The following PEPD variants were observed in gnomAD, a reference collection of about 807,000 sequenced individuals.
The protein encoded by PEPD is xaa-Pro dipeptidase.
PEPD carries 53 observed loss-of-function variants against 60.7 expected under a neutral mutation model. That is an observed-to-expected ratio of 0.87 (90% CI 0.70 to 1.10). The LOEUF is 1.10. PEPD is among the 50% of genes least tolerant of loss of function. The probability of loss-of-function intolerance (pLI) is 0.00; values close to 1 mark genes in which losing one functional copy is unlikely to be tolerated. For missense variants in PEPD, 711 were observed against 711.9 expected, an observed-to-expected ratio of 1.00 and a Z score of 0.01; for synonymous variants, 267 against 284.1, an observed-to-expected ratio of 0.94 and a Z score of 0.60.
At chr19:33,458,017 A>G (rs1361690320) in intron 9 of PEPD, among the ~76,000 whole-genome samples, 3 of 152,040 alleles carry the variant, frequency 2.0e-5, no homozygotes, top group Non-Finnish European at 2.9e-5. Flanking sequence ...GTGGTATGTC[A>G]ATGGGTGTGG....
chr19:33,421,996 T>C (rs1400181359), intron 9 of PEPD, among the ~76,000 whole-genome samples: 1 of 151,972 alleles, frequency 6.6e-6, no homozygotes, highest in Non-Finnish European at 1.5e-5. Flanking sequence ...CACAAACGGA[T>C]CCTTCCACAA....
intron 4 of PEPD, among the ~76,000 whole-genome samples, chr19:33,494,144 A>G (rs1302088343): frequency 6.6e-6 from 1 of 152,096 alleles, no homozygotes; most frequent in East Asian, 1.9e-4. Context: ...TTCCTCTGCC[A>G]GCCCCTCCTC....
intron 9 of PEPD, among the ~76,000 whole-genome samples, chr19:33,446,720 A>T (rs1293364180): frequency 1.3e-5 from 2 of 152,208 alleles, no homozygotes; most frequent in East Asian, 3.9e-4. Flanking sequence ...CTCACCACCC[A>T]GAGGGGAGGG....
intron 9 of PEPD, among the ~76,000 whole-genome samples, chr19:33,458,109 G>A (rs1969843583): frequency 6.6e-6 from 1 of 152,042 alleles, no homozygotes; most frequent in Non-Finnish European, 1.5e-5. Flanking sequence ...GGTACATGTT[G>A]TGTGTGGTGT....
At chr19:33,387,521 C>CT in intron 14 of PEPD, 40 bp from the exon 15 acceptor site, 1 of 1,611,412 alleles carries the variant, frequency 6.2e-7, no homozygotes, top group Non-Finnish European at 8.5e-7. Flanking sequence ...ATAGAGCAGC[C>CT]TCATGTGCCA....
At chr19:33,442,405 T>A (rs1343588500) in intron 9 of PEPD, among the ~76,000 whole-genome samples, 4 of 129,786 alleles carry the variant, frequency 3.1e-5, no homozygotes, top group African/African-American at 1.0e-4. Flanking sequence ...AGACTCTGTC[T>A]CAAAAAAAAA....
chr19:33,410,638 G>A (rs144531195), intron 11 of PEPD, among the ~76,000 whole-genome samples: 1,924 of 152,146 alleles, frequency 0.013, 31 homozygotes, highest in Admixed American at 0.046. Flanking sequence ...GCCCAGCTGG[G>A]CGCCACGCAG....
chr19:33,417,732 C>T (rs1162092759), intron 9 of PEPD, among the ~76,000 whole-genome samples: 1 of 152,152 alleles, frequency 6.6e-6, no homozygotes, highest in African/African-American at 2.4e-5. Flanking sequence ...GAATGGGGAT[C>T]CCTCCTCAGG....
At chr19:33,411,650 C>T in intron 11 of PEPD, 22 bp downstream of exon 11, 1 of 1,435,172 alleles carries the variant, frequency 7.0e-7, no homozygotes, top group South Asian at 1.1e-5. Flanking sequence ...CACACAGAGC[C>T]AGGGCCGCTG....
rs558366108 is a variant in PEPD, at chr19:33,411,202, G to A, written c.818+470C>T. On this transcript the variant is annotated intron_variant, in intron 11 of 14. Transcript: ENST00000244137. ...AGCACTGCTGACTTGCTGAACGCAG[G>A]GCCGCAGAGGCCACGGGCTCCTGCA... is the stretch of plus-strand genomic sequence containing the variant. 1.0e-3 allele frequency among the ~76,000 whole-genome samples: 159 copies of A among 152,312 alleles called. 1 individual carries two copies. The highest frequency in any genetic ancestry group is 3.8e-3 in the African/African-American group (157 of 41,574).
intron 7 of PEPD, among the ~76,000 whole-genome samples, chr19:33,464,678 G>T (rs1028516068): frequency 6.6e-6 from 1 of 152,174 alleles, no homozygotes; most frequent in South Asian, 2.1e-4. Flanking sequence ...GGTGGTCTAC[G>T]TGGGCAGGGG....
intron 9 of PEPD, among the ~76,000 whole-genome samples, chr19:33,457,488 T>A (rs1023519762): frequency 1.3e-5 from 2 of 152,178 alleles, no homozygotes; most frequent in African/African-American, 4.8e-5. Context: ...TCCCACCTCC[T>A]GGCTGTCCTT....
chr19:33,478,592 A>G (rs1469331118), intron 6 of PEPD, among the ~76,000 whole-genome samples: 1 of 152,234 alleles, frequency 6.6e-6, no homozygotes, highest in Admixed American at 6.5e-5. Context: ...TTCATCACTT[A>G]CAAGGGATCC....
intron 9 of PEPD, among the ~76,000 whole-genome samples, chr19:33,428,215 G>A (rs1259172591): frequency 6.6e-6 from 1 of 152,210 alleles, no homozygotes; most frequent in East Asian, 1.9e-4. Flanking sequence ...AGGAGGGCTT[G>A]GAGGATGCAG....
At chr19:33,473,783 T>C (rs905492662) in intron 7 of PEPD, among the ~76,000 whole-genome samples, 3 of 152,210 alleles carry the variant, frequency 2.0e-5, no homozygotes, top group Admixed American at 1.3e-4. Flanking sequence ...CTTTTGACCT[T>C]CACATTCAAA....
At chr19:33,457,170 G>A (rs538665643) in intron 9 of PEPD, among the ~76,000 whole-genome samples, 62 of 151,874 alleles carry the variant, frequency 4.1e-4, no homozygotes, top group African/African-American at 1.4e-3. Flanking sequence ...AGTGGCTTAT[G>A]CCTAGAATCC....
intron 3 of PEPD, among the ~76,000 whole-genome samples, chr19:33,505,655 A>G (rs1361498979): frequency 6.6e-6 from 1 of 150,560 alleles, no homozygotes; most frequent in African/African-American, 2.5e-5. Flanking sequence ...AAAAACACAC[A>G]ACACACAACA....
intron 11 of PEPD, among the ~76,000 whole-genome samples, chr19:33,407,988 G>A (rs1968673608): frequency 6.6e-6 from 1 of 152,224 alleles, no homozygotes; most frequent in Non-Finnish European, 1.5e-5. Context: ...CTCAGTCCTT[G>A]GCTGACAAGC....
rs756746814 is a variant in PEPD at position 33,511,171 on chromosome 19, G to A, written c.202-16C>T. On this transcript the variant is annotated splice_polypyrimidine_tract_variant and intron_variant, in intron 2 of 14. Coordinates refer to ENST00000244137, the MANE Select transcript of PEPD (RefSeq NM_000285.4). ...AGAAGGACTCCTGTGGCGGGAACAA[G>A]AACTATTGTTAGCCAGTGGAACATG... 1.2e-6 allele frequency: 2 copies of A among 1,613,540 alleles called. No homozygotes were observed. Among genetic ancestry groups the A allele is most frequent in the Admixed American group, 1.7e-5 (1 of 59,996 alleles).
Sources: gnomAD v4.1 joint callset for allele counts (sites outside exome capture counted in the v4.1 genomes callset) on GRCh38, gnomAD v4.1.1 for gene constraint, MANE v1.5 for transcripts, NCBI Gene and HGNC (gene_info 2026-07-23, HGNC 2026-07-21) for gene names.